ISX: variants seen among roughly 807,000 people sequenced by gnomAD.
The protein encoded by ISX is intestine specific homeobox.
In ISX, 15 loss-of-function variants were observed where a neutral mutation model predicts 16.9. The observed-to-expected ratio is 0.89, with a 90% CI of 0.59 to 1.36. The LOEUF is 1.36. ISX is among the 40% of genes most tolerant of loss of function. The pLI, the probability that ISX is intolerant of heterozygous loss-of-function variation, is 0.00. For missense variants in ISX, 316 were observed against 306.1 expected (o/e 1.03, Z -0.24); for synonymous variants, 125 against 119.7 (o/e 1.04, Z -0.29).
At chr22:35,068,037 G>C (rs780754729) in intron 2 of ISX, among the ~76,000 whole-genome samples, 20 of 152,228 alleles carry the variant, frequency 1.3e-4, no homozygotes, top group Non-Finnish European at 2.6e-4. Context: ...CAGGAACCCA[G>C]GATGTGAGTC....
intron 2 of ISX, among the ~76,000 whole-genome samples, chr22:35,077,260 C>T (rs1391984760): frequency 6.6e-6 from 1 of 152,156 alleles, no homozygotes; most frequent in Non-Finnish European, 1.5e-5. Context: ...CTGCATTCTA[C>T]CTTCTTCTCT....
intron 2 of ISX, among the ~76,000 whole-genome samples, chr22:35,077,563 C>T (rs1478265923): frequency 6.6e-6 from 1 of 152,074 alleles, no homozygotes; most frequent in Non-Finnish European, 1.5e-5. Context: ...TTAGGCACCC[C>T]TCCTTATTCC....
In ISX at chr22:35,085,461, C is replaced by A; in HGVS notation, c.506C>A (p.Thr169Lys). Reference protein sequence around the residue: ...LPTNLDVAGPTWTSTALRRLA... With the variant: ...LPTNLDVAGPKWTSTALRRLA... The stretch of plus-strand genomic sequence containing the variant: ...GACCTCTCCTTGTGACAGGGGCCCA[C>A]GTGGACATCCACTGCTCTGCGCAGG... Residue 169 changes from threonine (T) to lysine (K), a missense_variant, in exon 5 of 5, where the codon ACG (threonine) becomes AAG (lysine). Physicochemically the swap from Thr to Lys is moderately conservative, Grantham distance 78. Transcript: ENST00000404699. 4 of 1,614,210 alleles carry A rather than the reference C, an allele frequency of 2.5e-6. No homozygotes were observed. Among genetic ancestry groups the A allele is most frequent in the Non-Finnish European group, 3.4e-6 (4 of 1,180,042 alleles).
At chr22:35,085,353 C>T (rs1176829016) in intron 4 of ISX, 101 bp from the exon 5 acceptor site, 4 of 1,399,944 alleles carry the variant, frequency 2.9e-6, no homozygotes, top group Non-Finnish European at 4.0e-6. Context: ...AAGTGGATCA[C>T]ACTACCCACT....
At chr22:35,070,906 C>T (rs1038004141) in intron 2 of ISX, among the ~76,000 whole-genome samples, 7 of 152,322 alleles carry the variant, frequency 4.6e-5, no homozygotes, top group Admixed American at 1.3e-4. Flanking sequence ...GTCACAATTA[C>T]GCAACTCTTC....
At chr22:35,083,747 C>T (rs990986225) in intron 3 of ISX, among the ~76,000 whole-genome samples, 1 of 152,162 alleles carries the variant, frequency 6.6e-6, no homozygotes, top group African/African-American at 2.4e-5. Context: ...CTTTTTCTTC[C>T]CATCTAGAAT....
chr22:35,067,283 G>A lies in ISX; in HGVS notation c.196G>A (p.Gly66Arg). The change falls in exon 2 of 5, where the codon GGG becomes AGG. Residue 66 changes from glycine to arginine, a missense_variant. Coordinates refer to ENST00000404699, the MANE Select transcript of ISX (RefSeq NM_001303508.2). ...CGGAGAAGCTGCGGCCTCAGGCTCTGGGCTAGAAAAGCCTCCAAAGGACCA... is the reference window on the plus strand; with the variant it reads ...CGGAGAAGCTGCGGCCTCAGGCTCTAGGCTAGAAAAGCCTCCAAAGGACCA... ...GPGEAAASGSGLEKPPKDQPQ... is the reference protein window; with the variant it reads ...GPGEAAASGSRLEKPPKDQPQ... 1 of 1,587,136 alleles carries A rather than the reference G, an allele frequency of 6.3e-7. No individual in the cohort carries two copies. Among genetic ancestry groups the A allele is most frequent in the Non-Finnish European group, 8.6e-7 (1 of 1,166,564 alleles).
intron 2 of ISX, among the ~76,000 whole-genome samples, chr22:35,068,413 GTC>G (rs1296506561): frequency 6.6e-6 from 1 of 152,258 alleles, no homozygotes; most frequent in African/African-American, 2.4e-5. Flanking sequence ...AGGGCTGTGT[GTC>G]TGCAGGCAGG....
intron 2 of ISX, 74 bp downstream of exon 2, chr22:35,067,390 T>A: frequency 9.4e-7 from 1 of 1,062,918 alleles, no homozygotes; most frequent in South Asian, 1.6e-5. Context: ...GAGAAAAAGC[T>A]TCTCCGTCCA....
At chr22:35,083,158 G>C (rs1396166863) in intron 3 of ISX, among the ~76,000 whole-genome samples, 2 of 152,188 alleles carry the variant, frequency 1.3e-5, no homozygotes, top group African/African-American at 4.8e-5. Flanking sequence ...CATGAAATTT[G>C]AATGTTGTGT....
intron 2 of ISX, 107 bp from the exon 3 acceptor site, chr22:35,082,411 G>A: frequency 9.1e-7 from 1 of 1,097,612 alleles, no homozygotes; most frequent in Non-Finnish European, 1.3e-6. Context: ...AGGGGCCAAG[G>A]CTCGGGAGCA....
chr22:35,077,410 T>C (rs1441281663), intron 2 of ISX, among the ~76,000 whole-genome samples: 3 of 152,262 alleles, frequency 2.0e-5, no homozygotes, highest in Non-Finnish European at 4.4e-5. Flanking sequence ...AGTGCTGACC[T>C]TCATCATTCC....
chr22:35,070,542 A>G (rs1928822233), intron 2 of ISX, among the ~76,000 whole-genome samples: 1 of 152,238 alleles, frequency 6.6e-6, no homozygotes, highest in South Asian at 2.1e-4. Flanking sequence ...CAGTGGGTAA[A>G]CCAGTATGGA....
chr22:35,084,371 C>T lies in ISX; in HGVS notation c.382-12C>T, dbSNP rs896194424. The T allele has an allele frequency of 6.3e-7, 1 of 1,599,990 alleles. No homozygotes were observed. Among genetic ancestry groups the T allele is most frequent in the Non-Finnish European group, 8.6e-7 (1 of 1,168,204 alleles). ...ACTCTTGCTTATCCCCGTCCTTTCT[C>T]CCTGATTACAGATCTGGTTCCAGAA... On this transcript the variant is annotated splice_polypyrimidine_tract_variant and intron_variant, in intron 3 of 4. Transcript: ENST00000404699.
At chr22:35,083,845 G>A (rs372563124) in intron 3 of ISX, among the ~76,000 whole-genome samples, 3 of 152,214 alleles carry the variant, frequency 2.0e-5, no homozygotes, top group Admixed American at 1.3e-4. Flanking sequence ...AGGATAAATG[G>A]CCACAAGTCA....
intron 2 of ISX, among the ~76,000 whole-genome samples, chr22:35,076,955 C>T (rs903875867): frequency 6.6e-6 from 1 of 152,178 alleles, no homozygotes; most frequent in Admixed American, 6.5e-5. Context: ...CCCACATGCC[C>T]ACTCCCTAGG....
chr22:35,083,869 C>T (rs1013857712), intron 3 of ISX, among the ~76,000 whole-genome samples: 4 of 152,238 alleles, frequency 2.6e-5, no homozygotes, highest in Non-Finnish European at 4.4e-5. Flanking sequence ...ACCATCAGCA[C>T]CTGCTCAGGA....
chr22:35,072,971 C>T (rs1242231537), intron 2 of ISX, among the ~76,000 whole-genome samples: 1 of 152,136 alleles, frequency 6.6e-6, no homozygotes, highest in Non-Finnish European at 1.5e-5. Flanking sequence ...ACTTGCATGG[C>T]TAGTGAGCTG....
chr22:35,077,609 A>ACATCAT (rs10579253), intron 2 of ISX, among the ~76,000 whole-genome samples: 22 of 151,110 alleles, frequency 1.5e-4, no homozygotes, highest in African/African-American at 3.4e-4. Flanking sequence ...CACAAGCACA[A>ACATCAT]CATCATCATC....
Sources: allele counts gnomAD v4.1 joint callset (sites outside exome capture counted in the v4.1 genomes callset), GRCh38; gene constraint gnomAD v4.1.1; transcripts MANE v1.5; gene names NCBI Gene and HGNC (gene_info 2026-07-23, HGNC 2026-07-21).